The following KIAA1671 variants were observed in gnomAD, a reference collection of about 807,000 sequenced individuals.
KIAA1671 encodes uncharacterized protein KIAA1671.
In KIAA1671, 52 loss-of-function variants were observed where a neutral mutation model predicts 131.2. That is an observed-to-expected ratio of 0.40 (90% CI 0.32 to 0.50). The LOEUF is 0.50. KIAA1671 is among the 20% of genes least tolerant of loss of function. The pLI, the probability that KIAA1671 is intolerant of heterozygous loss-of-function variation, is 0.73. For missense variants in KIAA1671, 2,360 were observed against 2,364.2 expected, an observed-to-expected ratio of 1.00 and a Z score of 0.04; for synonymous variants, 1,003 against 961.6, an observed-to-expected ratio of 1.04 and a Z score of -0.80.
intron 1 of KIAA1671, among the ~76,000 whole-genome samples, chr22:24,984,522 C>T (rs1923412901): frequency 6.6e-6 from 1 of 152,196 alleles, no homozygotes; most frequent in Non-Finnish European, 1.5e-5. Context: ...TCTGCCCAGT[C>T]AAGAGACGGT....
intron 1 of KIAA1671, among the ~76,000 whole-genome samples, chr22:24,993,426 G>A (rs904447893): frequency 6.6e-6 from 1 of 152,160 alleles, no homozygotes; most frequent in African/African-American, 2.4e-5. Flanking sequence ...CATGCCCCAA[G>A]CTCTTTTCTG....
intron 9 of KIAA1671, chr22:25,179,243 T>G: frequency 6.7e-7 from 1 of 1,495,586 alleles, no homozygotes; most frequent in African/African-American, 1.4e-5. Context: ...TAGACAGAGG[T>G]GAACGAAACA....
At chr22:25,092,433 C>T (rs1407968468) in intron 6 of KIAA1671, among the ~76,000 whole-genome samples, 2 of 152,110 alleles carry the variant, frequency 1.3e-5, no homozygotes, top group Non-Finnish European at 2.9e-5. Context: ...CAAGTGGGAG[C>T]CTTGTGGGCC....
At chr22:25,131,654 G>A (rs2145945408) in intron 6 of KIAA1671, among the ~76,000 whole-genome samples, 1 of 152,362 alleles carries the variant, frequency 6.6e-6, no homozygotes, top group East Asian at 1.9e-4. Flanking sequence ...CATGTGTCCT[G>A]TTTTGTTTGT....
Position 25,041,587 on chromosome 22 carries a change from C to T in KIAA1671, c.4395+62C>T, listed in dbSNP as rs895019053. ...GGTTTAAACATCTAGTCTAGGGGGC[C>T]GAAACTCAGATTTTGTGTGGCCCAC... On this transcript the variant is annotated intron_variant, in intron 5 of 12. Coordinates refer to ENST00000358431, the MANE Select transcript of KIAA1671 (RefSeq NM_001145206.2). 1,258 of 1,443,224 alleles carry T rather than the reference C, an allele frequency of 8.7e-4. 12 individuals are homozygous for T. In the African/African-American group the frequency reaches 0.015, roughly 18 times the overall value. 89.4% of individuals were successfully genotyped at this position (1,443,224 alleles called of 1,614,324 possible).
rs1375716527 is a variant in KIAA1671 at position 25,040,333 on chromosome 22, C to A, written c.3203C>A (p.Thr1068Lys). ...ITPPSSPHSL[T>K]STLVSLGHEE... is the part of the protein sequence containing the mutation. Reference sequence around the variant, plus strand: ...CCACCCTCGTCTCCTCATTCTTTAACATCCACTTTGGTTTCTCTTGGTCAT... The same window carrying A: ...CCACCCTCGTCTCCTCATTCTTTAAAATCCACTTTGGTTTCTCTTGGTCAT... Residue 1068 changes from threonine to lysine, a missense_variant, in exon 5 of 13, where the codon ACA (threonine) becomes AAA (lysine). Thr to Lys is a moderately conservative substitution (Grantham distance 78). Coordinates refer to ENST00000358431, the MANE Select transcript of KIAA1671 (RefSeq NM_001145206.2). The A allele has an allele frequency of 6.4e-7, 1 of 1,551,702 alleles. No homozygotes were observed. The highest frequency in any genetic ancestry group is 2.4e-5 in the East Asian group (1 of 40,932).
At chr22:25,058,543 A>C (rs2145832022) in intron 6 of KIAA1671, 1 of 152,208 alleles carries the variant, frequency 6.6e-6, no homozygotes, top group South Asian at 2.1e-4. Context: ...CCCGGGGGAT[A>C]CGGCACTGTT....
At chr22:24,997,065 C>A (rs1281231851) in intron 1 of KIAA1671, among the ~76,000 whole-genome samples, 1 of 152,218 alleles carries the variant, frequency 6.6e-6, no homozygotes, top group Non-Finnish European at 1.5e-5. Context: ...GACTTATTTT[C>A]TCATGTAAAC....
At chr22:25,013,992 A>G (rs1925178437) in intron 1 of KIAA1671, 3 of 152,170 alleles carry the variant, frequency 2.0e-5, no homozygotes, top group African/African-American at 7.2e-5. Flanking sequence ...TGTTTTCCTT[A>G]CGTGTGATTC....
intron 11 of KIAA1671, among the ~76,000 whole-genome samples, chr22:25,190,460 C>T (rs1474495589): frequency 6.6e-6 from 1 of 152,226 alleles, no homozygotes; most frequent in African/African-American, 2.4e-5. Flanking sequence ...GGACCAGTAT[C>T]GGTCTGTGGC....
chr22:24,995,740 G>A (rs777717382), intron 1 of KIAA1671, among the ~76,000 whole-genome samples: 39 of 152,252 alleles, frequency 2.6e-4, no homozygotes, highest in Non-Finnish European at 5.0e-4. Flanking sequence ...ATTATGCTAA[G>A]CACTTCATGT....
chr22:24,972,161 T>G (rs181691963), intron 1 of KIAA1671, among the ~76,000 whole-genome samples: 1 of 152,300 alleles, frequency 6.6e-6, no homozygotes, highest in East Asian at 1.9e-4. Flanking sequence ...TTATGCAAAA[T>G]GTTATCACCC....
At chr22:25,003,101 T>TC (rs1250683985) in intron 1 of KIAA1671, among the ~76,000 whole-genome samples, 3 of 152,212 alleles carry the variant, frequency 2.0e-5, no homozygotes, top group South Asian at 2.1e-4. Context: ...AACTTTTTTT[T>TC]CCCTCTTATT....
intron 5 of KIAA1671, among the ~76,000 whole-genome samples, chr22:25,046,425 T>A (rs1927235452): frequency 6.6e-6 from 1 of 152,210 alleles, no homozygotes; most frequent in Non-Finnish European, 1.5e-5. Context: ...CATCCCTTCC[T>A]CTCTCCATCC....
chr22:24,977,402 G>A (rs1311495280), intron 1 of KIAA1671, among the ~76,000 whole-genome samples: 3 of 152,202 alleles, frequency 2.0e-5, no homozygotes, highest in African/African-American at 7.2e-5. Flanking sequence ...AAACCGGGCT[G>A]GAGGCCTGGG....
chr22:24,956,173 A>G (rs1921688998), intron 1 of KIAA1671, among the ~76,000 whole-genome samples: 1 of 152,248 alleles, frequency 6.6e-6, no homozygotes, highest in Non-Finnish European at 1.5e-5. Flanking sequence ...AGAGCCACTC[A>G]CTTTGAAGAT....
chr22:25,008,755 T>A (rs1294652201), intron 1 of KIAA1671, among the ~76,000 whole-genome samples: 1 of 152,236 alleles, frequency 6.6e-6, no homozygotes, highest in Non-Finnish European at 1.5e-5. Context: ...ATAACCAGAC[T>A]TTCCCAGGGC....
intron 1 of KIAA1671, among the ~76,000 whole-genome samples, chr22:24,996,049 A>C (rs896561474): frequency 6.6e-6 from 1 of 152,252 alleles, no homozygotes; most frequent in African/African-American, 2.4e-5. Context: ...GGGAGAAGTG[A>C]GGGCAGGTGG....
Position 25,041,167 on chromosome 22 carries a change from C to A in KIAA1671, c.4037C>A (p.Ala1346Asp). 6.4e-7 allele frequency: 1 copy of A among 1,551,684 alleles called. No individual in the cohort carries two copies. The highest frequency in any genetic ancestry group is 2.4e-5 in the East Asian group (1 of 40,922). ...HHVAKCQNYL[A>D]ESKPSGREDP... ...GTTGCAAAGTGTCAGAATTACCTGG[C>A]TGAGTCAAAGCCCTCTGGTCGGGAG... Residue 1346 changes from alanine to aspartate, a missense_variant, in exon 5 of 13, where the codon GCT becomes GAT. Around this residue, in one of 3 missense-constraint regions of KIAA1671, gnomAD observed 1,161 missense variants for 1,204.7 expected, o/e 0.96. Coordinates refer to ENST00000358431, the MANE Select transcript of KIAA1671 (RefSeq NM_001145206.2).
Sources: allele counts gnomAD v4.1 joint callset (sites outside exome capture counted in the v4.1 genomes callset), GRCh38; gene constraint gnomAD v4.1.1; regional missense constraint gnomAD v4.1.1; transcripts MANE v1.5; gene names NCBI Gene and HGNC (gene_info 2026-07-23, HGNC 2026-07-21).